Variants in STK32C observed in about 807,000 individuals in gnomAD.
STK32C encodes the protein serine/threonine-protein kinase 32C.
Under a neutral mutation model 56.5 loss-of-function variants are expected in STK32C, and 31 were observed. The observed-to-expected ratio is 0.55, with a 90% CI of 0.41 to 0.74. STK32C has a LOEUF of 0.74. Among genes scored for constraint, STK32C ranks in the 30% least tolerant of loss-of-function variants. The pLI is 0.00. For synonymous variants in STK32C, 309 were observed against 289.4 expected (o/e 1.07, Z -0.69); for missense variants, 544 against 676.9 (o/e 0.80, Z 2.18).
rs575965757 is a variant in STK32C, at chr10:132,271,964, G to A, written c.263-26009C>T. ...TCCTCATGTTTGTGTGTGTGCTGGC[G>A]GGGCAAGGCCCCTACCCTGAATGCA... On this transcript the variant is annotated intron_variant, in intron 1 of 11. Coordinates refer to ENST00000298630, the MANE Select transcript of STK32C (RefSeq NM_173575.4). Among the ~76,000 whole-genome samples, 33 of 152,316 alleles carry A rather than the reference G, an allele frequency of 2.2e-4. No homozygotes were observed. The East Asian group carries it at 2.5e-3, about 12-fold the overall frequency.
intron 10 of STK32C, among the ~76,000 whole-genome samples, chr10:132,216,592 A>G (rs1463495412): frequency 6.6e-6 from 1 of 152,242 alleles, no homozygotes. Context: ...GGCATGCCAC[A>G]GACCTTTGCG....
intron 1 of STK32C, among the ~76,000 whole-genome samples, chr10:132,260,359 C>A (rs761057956): frequency 2.6e-5 from 4 of 152,136 alleles, no homozygotes; most frequent in Non-Finnish European, 4.4e-5. Flanking sequence ...GCCAACTGCA[C>A]GGAAGAGGCA....
rs915900894 is a variant in STK32C, at chr10:132,327,340, G to A, written c.302-2967C>T. On this transcript the variant is annotated intron_variant, in intron 1 of 1. Coordinates refer to the STK32C transcript ENST00000368619. ...ATTGTGAGGCCTCCCCGGCCATGTG[G>A]AACTTTAAGTCCATTAAACCTTTTT... is the stretch of plus-strand genomic sequence containing the variant. Among the ~76,000 whole-genome samples the A allele has an allele frequency of 1.6e-4, 24 of 152,276 alleles. 1 individual carries two copies. The South Asian group carries it at 2.3e-3, about 14-fold the overall frequency.
At chr10:132,276,618 G>GA (rs35343457) in intron 1 of STK32C, among the ~76,000 whole-genome samples, 47,723 of 148,248 alleles carry the variant, frequency 0.32, 8,026 homozygotes, top group Non-Finnish European at 0.4. Context: ...CCCCATCTCT[G>GA]AAAAAAAAAA....
intron 1 of STK32C, among the ~76,000 whole-genome samples, chr10:132,268,946 T>C (rs931234225): frequency 4.5e-5 from 6 of 132,776 alleles, no homozygotes; most frequent in Non-Finnish European, 9.5e-5. Flanking sequence ...TGTGCATGCA[T>C]GTCTCACATC....
At chr10:132,228,790 A>C (rs2062989716) in intron 2 of STK32C, among the ~76,000 whole-genome samples, 1 of 151,796 alleles carries the variant, frequency 6.6e-6, no homozygotes, top group Non-Finnish European at 1.5e-5. Flanking sequence ...ATCACTCCAC[A>C]CTCCAGAGAC....
At chr10:132,214,343 A>G (rs551839360) in intron 10 of STK32C, among the ~76,000 whole-genome samples, 1 of 152,364 alleles carries the variant, frequency 6.6e-6, no homozygotes, top group African/African-American at 2.4e-5. Context: ...CACATAAGCA[A>G]GAAGAGAGCG....
At chr10:132,330,604 T>C (rs1373201668) in intron 1 of STK32C, 1 of 691,664 alleles carries the variant, frequency 1.4e-6, no homozygotes, top group African/African-American at 1.8e-5. Context: ...AAATCCTAGG[T>C]TCAAGCGATC....
At position 132,307,510 on chromosome 10, in the gene STK32C, C is replaced by G. The variant is rs1275286371; in HGVS notation, c.262+62G>C. ...GGGAACCCCTGCGGGAAAAAGCCGC[C>G]CAGCCGCGCCCGCCCCTGCAATAGC... On this transcript the variant is annotated intron_variant, in intron 1 of 11. Transcript: ENST00000298630. The surrounding 1 kb of genome is among the most constrained non-coding windows in gnomAD (Gnocchi z 4.4). 6.7e-7 allele frequency: 1 copy of G among 1,487,744 alleles called. No homozygotes were observed. The allele number at this position is 1,487,744 out of a possible 1,614,324, so 92.2% of individuals were successfully genotyped here. A position where few individuals can be genotyped will look rare whatever the true frequency, so the allele number is the denominator to read the frequency against.
In STK32C at chr10:132,288,484, T is replaced by C. The variant is rs77251096; in HGVS notation, c.262+19088A>G. On this transcript the variant is annotated intron_variant, in intron 1 of 11. Coordinates refer to ENST00000298630, the MANE Select transcript of STK32C (RefSeq NM_173575.4). ...CTCCAGCCCAGAGCTGGACTTCCTG[T>C]AAAGGGTCAAGGGCGAGCTTTCTGA... is the stretch of plus-strand genomic sequence containing the variant. Among the ~76,000 whole-genome samples the C allele has an allele frequency of 4.5e-3, 679 of 152,294 alleles. 6 individuals carry two copies. Among genetic ancestry groups the C allele is most frequent in the African/African-American group, 0.016 (652 of 41,564 alleles).
intron 10 of STK32C, among the ~76,000 whole-genome samples, chr10:132,222,385 G>A (rs190011461): frequency 6.6e-4 from 100 of 152,310 alleles, no homozygotes; most frequent in African/African-American, 2.2e-3. Context: ...GGGCAAGCAC[G>A]AAGGCTTCAC....
chr10:132,208,377 C>G (rs1173078917), intron 11 of STK32C, among the ~76,000 whole-genome samples: 2 of 152,230 alleles, frequency 1.3e-5, no homozygotes, highest in Non-Finnish European at 2.9e-5. Context: ...TGTTTCCAGC[C>G]AGAAGCCGAA....
chr10:132,253,738 G>T (rs151023287), intron 1 of STK32C, among the ~76,000 whole-genome samples: 6 of 152,232 alleles, frequency 3.9e-5, no homozygotes, highest in Admixed American at 3.9e-4. Flanking sequence ...GCCAAACACC[G>T]GCTCGAGGCG....
At chr10:132,268,966 T>C (rs2064716924) in intron 1 of STK32C, among the ~76,000 whole-genome samples, 2 of 151,268 alleles carry the variant, frequency 1.3e-5, no homozygotes, top group African/African-American at 4.9e-5. Context: ...CGTGTGTGTG[T>C]GTGTGTCGGT....
intron 1 of STK32C, among the ~76,000 whole-genome samples, chr10:132,281,477 T>C (rs2065203643): frequency 6.6e-6 from 1 of 152,206 alleles, no homozygotes; most frequent in African/African-American, 2.4e-5. Flanking sequence ...GAAAGCCATT[T>C]TGCCAGCTCA....
intron 10 of STK32C, among the ~76,000 whole-genome samples, chr10:132,222,309 G>GC (rs1565072090): frequency 1.3e-5 from 2 of 148,802 alleles, no homozygotes; most frequent in African/African-American, 2.5e-5. Context: ...TGATGCTGAC[G>GC]CACCTGGGCG....
chr10:132,228,754 T>A (rs548310436), intron 2 of STK32C, among the ~76,000 whole-genome samples: 16 of 152,324 alleles, frequency 1.1e-4, no homozygotes, highest in African/African-American at 3.8e-4. Context: ...TCATCAACCA[T>A]GGCTGCAGCT....
At chr10:132,279,962 TGACCACGCCCCTGCACCCC>T (rs2065111780) in intron 1 of STK32C, among the ~76,000 whole-genome samples, 2 of 138,168 alleles carry the variant, frequency 1.4e-5, no homozygotes, top group Non-Finnish European at 3.1e-5. Flanking sequence ...CTGCACCCCG[TGACCACGCCCCTGCACCCC>T]GTGACCACGC....
chr10:132,239,190 G>T (rs1287875520), intron 2 of STK32C, among the ~76,000 whole-genome samples: 8 of 152,216 alleles, frequency 5.3e-5, no homozygotes, highest in Non-Finnish European at 5.9e-5. Context: ...TGGTGTGAGG[G>T]CTCAGGACAA....
Sources: allele counts gnomAD v4.1 joint callset (sites outside exome capture counted in the v4.1 genomes callset), GRCh38; gene constraint gnomAD v4.1.1; non-coding constraint Gnocchi (gnomAD v3.1); transcripts MANE v1.5; gene names NCBI Gene and HGNC (gene_info 2026-07-23, HGNC 2026-07-21).